Variants in RAPH1 observed in about 807,000 individuals in gnomAD.
The protein encoded by RAPH1 is Ras association (RalGDS/AF-6) and pleckstrin homology domains 1, also known as ras-associated and pleckstrin homology domains-containing protein 1.
Under a neutral mutation model 88.1 loss-of-function variants are expected in RAPH1, and 18 were observed. The observed-to-expected ratio is 0.20, with a 90% CI of 0.14 to 0.30. The LOEUF (loss-of-function observed/expected upper bound fraction) is 0.30, where lower values mean the gene tolerates loss of function less well. Ranked by LOEUF, RAPH1 falls within the 10% of genes least tolerant of loss-of-function variation. The probability of loss-of-function intolerance (pLI) is 1.00; values close to 1 mark genes in which losing one functional copy is unlikely to be tolerated. For missense variants in RAPH1, 1,448 were observed against 1,543.2 expected (o/e 0.94, Z 1.03); for synonymous variants, 587 against 559.0 (o/e 1.05, Z -0.71).
chr2:203,523,314 A>T (rs1303721943), intron 1 of RAPH1, among the ~76,000 whole-genome samples: 1 of 151,162 alleles, frequency 6.6e-6, no homozygotes, highest in Non-Finnish European at 1.5e-5. Flanking sequence ...AATGGCGTGA[A>T]TACGGGGGGC....
chr2:203,534,496 CT>C (rs1690523990), intron 1 of RAPH1, among the ~76,000 whole-genome samples: 5 of 96,210 alleles, frequency 5.2e-5, no homozygotes, highest in Non-Finnish European at 1.0e-4. Flanking sequence ...ACACTGCCCC[CT>C]CCCTCCGTCC....
At chr2:203,505,833 A>G (rs1581378318) in intron 1 of RAPH1, among the ~76,000 whole-genome samples, 1 of 152,342 alleles carries the variant, frequency 6.6e-6, no homozygotes, top group East Asian at 1.9e-4. Flanking sequence ...GTTACTATAC[A>G]CACACGCGCG....
chr2:203,438,050 G>A lies in RAPH1; in HGVS notation c.*1387C>T, dbSNP rs2098499890. 2.1e-6 allele frequency: 1 copy of A among 468,382 alleles called. No homozygotes were observed. The highest frequency in any genetic ancestry group is 2.3e-5 in the Admixed American group (1 of 43,406). 29.0% of individuals were successfully genotyped at this position (468,382 alleles called of 1,614,324 possible). ...TATAGAAGTATAGTGTGTCGTTAGA[G>A]CACTGACTCCACGTTATACCAAACT... On this transcript the variant is annotated 3_prime_UTR_variant, in exon 14 of 14. Transcript: ENST00000319170.
chr2:203,505,472 G>A (rs1688946078), intron 1 of RAPH1, among the ~76,000 whole-genome samples: 1 of 152,054 alleles, frequency 6.6e-6, no homozygotes, highest in Admixed American at 6.6e-5. Context: ...CAACACAGAG[G>A]AATTCTGAGA....
At chr2:203,506,820 C>CTATATATATATCTA (rs1485796305) in intron 1 of RAPH1, among the ~76,000 whole-genome samples, 844 of 70,626 alleles carry the variant, frequency 0.012, 123 homozygotes, top group African/African-American at 0.064. Context: ...ATCTATATAT[C>CTATATATATATCTA]TATATATATA....
intron 1 of RAPH1, among the ~76,000 whole-genome samples, chr2:203,505,140 T>C (rs1688925083): frequency 6.6e-6 from 1 of 152,220 alleles, no homozygotes; most frequent in South Asian, 2.1e-4. Context: ...TTTTTGGGTA[T>C]CTTTTCAGCA....
intron 4 of RAPH1, among the ~76,000 whole-genome samples, chr2:203,474,846 C>A (rs1378407767): frequency 6.6e-6 from 1 of 152,266 alleles, no homozygotes; most frequent in Non-Finnish European, 1.5e-5. Flanking sequence ...AGTGATGGCT[C>A]ATGCCTGTAA....
chr2:203,439,969 G>A lies in RAPH1; in HGVS notation c.3221C>T (p.Pro1074Leu). 2 of 1,613,780 alleles carry A rather than the reference G, an allele frequency of 1.2e-6. No homozygotes were observed. Among genetic ancestry groups the A allele is most frequent in the Non-Finnish European group, 1.7e-6 (2 of 1,179,994 alleles). Residue 1074 changes from proline (P) to leucine (L), a missense_variant, in exon 14 of 14, where the codon CCA (proline) becomes CTA (leucine). This residue lies in a region of RAPH1 where 935 missense variants were observed against 890.1 expected (regional missense o/e 1.05). Coordinates refer to ENST00000319170, the MANE Select transcript of RAPH1 (RefSeq NM_213589.3). ...FPSPPSDSDF[P>L]PPPPETELPL... ...AAGCTCTGTTTCAGGTGGAGGGGGTGGAAAATCAGAATCGGATGGAGGAGA... is the reference window on the plus strand; with the variant it reads ...AAGCTCTGTTTCAGGTGGAGGGGGTAGAAAATCAGAATCGGATGGAGGAGA...
intron 7 of RAPH1, 140 bp downstream of exon 7, chr2:203,459,767 A>T (rs1286472433): frequency 4.9e-6 from 4 of 818,238 alleles, no homozygotes; most frequent in Non-Finnish European, 3.9e-6. Context: ...CAGCAGTAGT[A>T]GATGATGCTC....
rs1212857201 is a variant in RAPH1, at chr2:203,437,975, G to A, written c.*1462C>T. The A allele has an allele frequency of 2.9e-6, 1 of 342,262 alleles. No homozygotes were observed. Among genetic ancestry groups the A allele is most frequent in the African/African-American group, 2.2e-5 (1 of 46,240 alleles). The allele number at this position is 342,262 out of a possible 1,614,324, so 21.2% of individuals were successfully genotyped here. ...ATAGTCCAATTTATCATAAGTTGATGAGAGTACTTATTTCTCTCATGTACC... is the reference window on the plus strand; with the variant it reads ...ATAGTCCAATTTATCATAAGTTGATAAGAGTACTTATTTCTCTCATGTACC... On this transcript the variant is annotated 3_prime_UTR_variant, in exon 14 of 14. Coordinates refer to ENST00000319170, the MANE Select transcript of RAPH1 (RefSeq NM_213589.3).
At chr2:203,480,211 C>T (rs1200937966) in intron 4 of RAPH1, among the ~76,000 whole-genome samples, 2 of 152,208 alleles carry the variant, frequency 1.3e-5, no homozygotes, top group Non-Finnish European at 2.9e-5. Flanking sequence ...GTGCCATTTA[C>T]AAGCCAGAGT....
intron 10 of RAPH1, 93 bp downstream of exon 10, chr2:203,454,337 A>G (rs2153638792): frequency 3.7e-6 from 3 of 814,164 alleles, no homozygotes; most frequent in East Asian, 2.7e-5. Flanking sequence ...CAAAAACAGT[A>G]TAATTGATGG....
In RAPH1 at chr2:203,489,756, T is replaced by C. The variant is rs1037080921; in HGVS notation, c.560A>G (p.His187Arg). 6.2e-6 allele frequency: 10 copies of C among 1,614,082 alleles called. No homozygotes were observed. In the African/African-American group the frequency reaches 1.1e-4, roughly 17 times the overall value. Residue 187 changes from histidine to arginine, a missense_variant, in exon 4 of 14, where the codon CAC becomes CGC. By Grantham distance (29) the His-to-Arg change is conservative. This residue lies in a region of RAPH1 where 513 missense variants were observed against 653.1 expected (regional missense o/e 0.79). Transcript: ENST00000319170. ...TGTGCCTGCTGACGCGGTTCTTCTG[T>C]GCTGATTAGTTACTAAGGGTTTAGT... The part of the protein sequence containing the change: ...EDTKPLVTNQ[H>R]RRTASAGTVS...
chr2:203,461,442 T>TA (rs766760646), intron 5 of RAPH1, 34 bp from the exon 6 acceptor site: 1 of 1,493,728 alleles, frequency 6.7e-7, no homozygotes, highest in Non-Finnish European at 9.0e-7. Flanking sequence ...AAATGAACAC[T>TA]AAAAAATGGC....
At chr2:203,479,576 C>T (rs1687626022) in intron 4 of RAPH1, among the ~76,000 whole-genome samples, 1 of 150,538 alleles carries the variant, frequency 6.6e-6, no homozygotes, top group South Asian at 2.1e-4. Context: ...CCACTGTATT[C>T]CAGCCTGAGC....
Position 203,437,379 on chromosome 2 carries a change from T to C in RAPH1, c.*2058A>G, listed in dbSNP as rs2098499346. The C allele has an allele frequency of 6.6e-6, 1 of 152,150 alleles. No individual in the cohort carries two copies. The highest frequency in any genetic ancestry group is 1.9e-4 in the East Asian group (1 of 5,194). 9.4% of individuals were successfully genotyped at this position (152,150 alleles called of 1,614,324 possible). On this transcript the variant is annotated 3_prime_UTR_variant, in exon 14 of 14. Transcript: ENST00000319170. The stretch of plus-strand genomic sequence containing the variant: ...ACTAACTCTAACCCACAAATATGGG[T>C]GCCCCTCAAACTATAAAACTGCAGG...
chr2:203,521,940 T>C lies in RAPH1; in HGVS notation c.-1+13171A>G, dbSNP rs116920988. ...CATTTATCTGTGTTGCATATTTCCA[T>C]TAATATTATTAGTGAAAGAAAGAAA... On this transcript the variant is annotated intron_variant, in intron 1 of 13. Coordinates refer to ENST00000319170, the MANE Select transcript of RAPH1 (RefSeq NM_213589.3). Among the ~76,000 whole-genome samples the C allele has an allele frequency of 2.5e-3, 376 of 152,280 alleles. 8 individuals carry two copies. Among genetic ancestry groups the C allele is most frequent in the East Asian group, 0.018 (92 of 5,194 alleles).
chr2:203,455,661 T>C (rs959667364), intron 8 of RAPH1, 81 bp from the exon 9 acceptor site: 2 of 1,336,040 alleles, frequency 1.5e-6, no homozygotes, highest in African/African-American at 2.9e-5. Flanking sequence ...GTGAAATGCA[T>C]GACAGTTATT....
intron 1 of RAPH1, among the ~76,000 whole-genome samples, chr2:203,527,356 G>A (rs1690167112): frequency 6.6e-6 from 1 of 151,992 alleles, no homozygotes; most frequent in Admixed American, 6.6e-5. Flanking sequence ...AATAATTGTA[G>A]GTATTGTGAG....
Sources: allele counts gnomAD v4.1 joint callset (sites outside exome capture counted in the v4.1 genomes callset), GRCh38; gene constraint gnomAD v4.1.1; regional missense constraint gnomAD v4.1.1; transcripts MANE v1.5; gene names NCBI Gene and HGNC (gene_info 2026-07-23, HGNC 2026-07-21).